Variants in PRELID2 observed in about 807,000 individuals in gnomAD.
PRELID2 encodes the protein PRELI domain containing 2.
PRELID2 carries 25 observed loss-of-function variants against 28.4 expected under a neutral mutation model. That is an observed-to-expected ratio of 0.88 (90% CI 0.64 to 1.23). The LOEUF is 1.23. Among genes scored for constraint, PRELID2 ranks in the 50% most tolerant of loss-of-function variants. The probability of loss-of-function intolerance (pLI) is 0.00; values close to 1 mark genes in which losing one functional copy is unlikely to be tolerated. For synonymous variants in PRELID2, 76 were observed against 71.6 expected (o/e 1.06, Z -0.31); for missense variants, 201 against 214.4 (o/e 0.94, Z 0.39).
At chr5:145,521,683 T>C (rs1466503867) in intron 1 of PRELID2, among the ~76,000 whole-genome samples, 3 of 152,170 alleles carry the variant, frequency 2.0e-5, no homozygotes, top group Admixed American at 1.3e-4. Flanking sequence ...TAGCTGTCTA[T>C]GGCAAGAAAT....
At chr5:145,314,693 T>G in the PRELID2 span, among the ~76,000 whole-genome samples, 1 of 152,064 alleles carries the variant, frequency 6.6e-6, no homozygotes, top group Non-Finnish European at 1.5e-5. Context: ...ATTATTTTTC[T>G]GTATCATTTC....
chr5:145,819,854 G>T lies in PRELID2; in HGVS notation c.207+91C>A, dbSNP rs566490627. 3 of 804,606 alleles carry T rather than the reference G, an allele frequency of 3.7e-6. No homozygotes were observed. In the South Asian group the frequency reaches 4.5e-5, roughly 12 times the overall value. The allele number at this position is 804,606 out of a possible 1,614,324, so 49.8% of individuals were successfully genotyped here. On this transcript the variant is annotated intron_variant, in intron 3 of 6. Transcript: ENST00000683046. ...GTAAAAGGAGTAGGAAGTTTCTAAC[G>T]CTCCTTTACATCAGAAAATGCTGTT...
At chr5:145,615,279 C>G (rs558455825) in intron 1 of PRELID2, among the ~76,000 whole-genome samples, 5 of 149,642 alleles carry the variant, frequency 3.3e-5, no homozygotes, top group Admixed American at 2.6e-4. Flanking sequence ...CACCCCTTTA[C>G]TTTAAGTTTA....
chr5:145,485,852 G>A (rs1752212650), intron 1 of PRELID2, among the ~76,000 whole-genome samples: 1 of 152,150 alleles, frequency 6.6e-6, no homozygotes, highest in South Asian at 2.1e-4. Context: ...TCATTTAGGA[G>A]TTATGTATTA....
intron 1 of PRELID2, among the ~76,000 whole-genome samples, chr5:145,725,029 C>A (rs1471853725): frequency 6.6e-6 from 1 of 151,878 alleles, no homozygotes; most frequent in Non-Finnish European, 1.5e-5. Flanking sequence ...AGGTATGAAC[C>A]ACCACTCCCA....
the PRELID2 span, among the ~76,000 whole-genome samples, chr5:145,371,486 T>C: frequency 7.2e-5 from 11 of 152,128 alleles, no homozygotes; most frequent in Admixed American, 6.6e-5. Flanking sequence ...GGATTACATT[T>C]TTGATGTGCT....
intron 1 of PRELID2, among the ~76,000 whole-genome samples, chr5:145,483,777 C>G (rs1245565292): frequency 6.6e-6 from 1 of 152,182 alleles, no homozygotes; most frequent in Admixed American, 6.5e-5. Context: ...TTACCTATCA[C>G]AATATGCTAA....
intron 5 of PRELID2, among the ~76,000 whole-genome samples, chr5:145,780,118 G>T (rs1160390082): frequency 2.0e-5 from 3 of 152,168 alleles, no homozygotes; most frequent in Non-Finnish European, 4.4e-5. Context: ...TTCAAGACCA[G>T]ACTGGCCAAC....
the PRELID2 span, among the ~76,000 whole-genome samples, chr5:145,395,684 TTTG>T: frequency 2.0e-5 from 3 of 152,172 alleles, no homozygotes; most frequent in South Asian, 4.1e-4. Flanking sequence ...TTTCTCCACA[TTTG>T]TTGTTATTTT....
intron 1 of PRELID2, among the ~76,000 whole-genome samples, chr5:145,524,511 C>A (rs1037260075): frequency 1.3e-5 from 2 of 152,200 alleles, no homozygotes; most frequent in African/African-American, 4.8e-5. Context: ...ATTAGTAACT[C>A]AGAGAAGCCT....
chr5:145,414,248 G>C, the PRELID2 span, among the ~76,000 whole-genome samples: 1 of 152,128 alleles, frequency 6.6e-6, no homozygotes, highest in African/African-American at 2.4e-5. Context: ...AAAATCTCTG[G>C]CCACATGAAA....
the PRELID2 span, among the ~76,000 whole-genome samples, chr5:145,375,210 T>G: frequency 8.5e-5 from 13 of 152,156 alleles, no homozygotes; most frequent in Non-Finnish European, 1.5e-4. Context: ...TTTGTTTTTC[T>G]TTCAATAATC....
rs184758664 is a variant in PRELID2, at chr5:145,565,099, G to A, written n.71-91784C>T. Among the ~76,000 whole-genome samples, 350 of 152,286 alleles carry A rather than the reference G, an allele frequency of 2.3e-3. 4 individuals are homozygous for A. Among genetic ancestry groups the A allele is most frequent in the Admixed American group, 3.9e-3 (59 of 15,296 alleles). On this transcript the variant is annotated intron_variant and non_coding_transcript_variant, in intron 1 of 2. Transcript: ENST00000510259. ...TGCAGACCAGAGCTGTTCCTATTCG[G>A]TCATCTTGCCAGCCACCCAGAAGTA...
intron 1 of PRELID2, among the ~76,000 whole-genome samples, chr5:145,627,722 C>A (rs1753871951): frequency 6.6e-6 from 1 of 152,134 alleles, no homozygotes; most frequent in African/African-American, 2.4e-5. Context: ...TCTAATCAAC[C>A]CATCCACAAC....
chr5:145,469,055 A>T (rs755549550), downstream of PRELID2, among the ~76,000 whole-genome samples: 1 of 152,072 alleles, frequency 6.6e-6, no homozygotes, highest in African/African-American at 2.4e-5. Context: ...TACCTACAGA[A>T]GTGTATGTCC....
the PRELID2 span, among the ~76,000 whole-genome samples, chr5:145,382,366 G>A: frequency 3.3e-5 from 5 of 151,854 alleles, no homozygotes; most frequent in East Asian, 9.6e-4. Flanking sequence ...TAGACCAAAT[G>A]TTTCAAAATT....
intron 1 of PRELID2, among the ~76,000 whole-genome samples, chr5:145,671,987 T>C (rs1754716060): frequency 6.6e-6 from 1 of 152,162 alleles, no homozygotes; most frequent in Non-Finnish European, 1.5e-5. Flanking sequence ...CCAAGTGCTT[T>C]ACTTTATTTT....
At chr5:145,523,421 G>A (rs1237148850) in intron 1 of PRELID2, among the ~76,000 whole-genome samples, 2 of 152,154 alleles carry the variant, frequency 1.3e-5, no homozygotes, top group Non-Finnish European at 2.9e-5. Context: ...TAAAAAGGAA[G>A]GGGAGAGTAT....
At chr5:145,823,214 C>T (rs1754951939) in intron 1 of PRELID2, 80 bp from the exon 2 acceptor site, 3 of 670,674 alleles carry the variant, frequency 4.5e-6, no homozygotes. Flanking sequence ...CAGCTGTCTG[C>T]AGGACTAGTA....
Sources: allele counts gnomAD v4.1 joint callset (sites outside exome capture counted in the v4.1 genomes callset), GRCh38; gene constraint gnomAD v4.1.1; transcripts MANE v1.5; gene names NCBI Gene and HGNC (gene_info 2026-07-23, HGNC 2026-07-21).